The following JAKMIP2 variants were observed in gnomAD, a reference collection of about 807,000 sequenced individuals.
The protein encoded by JAKMIP2 is janus kinase and microtubule interacting protein 2.
A neutral mutation model predicts 115.0 loss-of-function variants in JAKMIP2; 25 were observed. The ratio of observed to expected loss-of-function variants is 0.22; its 90% CI spans 0.16 to 0.30. The LOEUF is 0.30. JAKMIP2 is among the 10% of genes least tolerant of loss of function. The pLI is 1.00. For missense variants in JAKMIP2, 642 were observed against 957.6 expected (o/e 0.67, Z 4.35); for synonymous variants, 334 against 343.6 (o/e 0.97, Z 0.31).
At chr5:147,716,092 G>T (rs1752977505) in intron 1 of JAKMIP2, among the ~76,000 whole-genome samples, 1 of 146,238 alleles carries the variant, frequency 6.8e-6, no homozygotes, top group African/African-American at 2.6e-5. Flanking sequence ...AGAATATGCA[G>T]TGTTTGGTTT....
rs147982196 is a variant in JAKMIP2, at chr5:147,650,440, G to A, written c.735C>T (p.Asp245=). The A allele has an allele frequency of 1.3e-4, 213 of 1,613,726 alleles. 2 individuals are homozygous for A. The African/African-American group carries it at 2.3e-3, about 17-fold the overall frequency. Residue 245 remains aspartate (D), a synonymous_variant, in exon 4 of 22, where the codon GAC becomes GAT. Transcript: ENST00000616793. ...QKLQLQKEAL[D]EQLFLVKEAE... The stretch of plus-strand genomic sequence containing the variant: ...CCTCCTTGACCAGAAAGAGTTGTTC[G>A]TCCAAAGCCTCCTTCTGAAGTTGGA...
At position 147,730,234 on chromosome 5, in the gene JAKMIP2, G is replaced by C. The variant is rs556601370; in HGVS notation, c.-149+52222C>G. Reference sequence around the variant, plus strand: ...GATAAAGAATGTAAGCAGATTCAAGGTTTTAGAAACTGACAAAGATTCTTT... The same window carrying C: ...GATAAAGAATGTAAGCAGATTCAAGCTTTTAGAAACTGACAAAGATTCTTT... On this transcript the variant is annotated intron_variant, in intron 1 of 21. Transcript: ENST00000616793. Among the ~76,000 whole-genome samples, 3 of 152,216 alleles carry C rather than the reference G, an allele frequency of 2.0e-5. No homozygotes were observed. In the East Asian group the frequency reaches 5.8e-4, roughly 29 times the overall value.
At position 147,618,024 on chromosome 5, in the gene JAKMIP2, C is replaced by T; in HGVS notation, c.2233G>A (p.Glu745Lys). ...FGELLSEKQQ[E>K]ELRTAVEKLR... is the part of the protein sequence containing the mutation. ...TTTTCTACTGCCGTCCTCAGCTCCT[C>T]TTGCTGTTTTTCACTTAATAATTCA... The change falls in exon 19 of 22, where the codon GAG becomes AAG. Residue 745 changes from glutamate to lysine, a missense_variant. Physicochemically the swap from Glu to Lys is moderately conservative, Grantham distance 56. This residue lies in a region of JAKMIP2 where 68 missense variants were observed against 104.6 expected (regional missense o/e 0.65). Transcript: ENST00000616793. The T allele has an allele frequency of 6.2e-7, 1 of 1,614,138 alleles. No homozygotes were observed. Among genetic ancestry groups the T allele is most frequent in the Non-Finnish European group, 8.5e-7 (1 of 1,179,976 alleles).
At chr5:147,687,175 C>T (rs1353172909) in intron 1 of JAKMIP2, among the ~76,000 whole-genome samples, 2 of 152,202 alleles carry the variant, frequency 1.3e-5, no homozygotes, top group African/African-American at 4.8e-5. Flanking sequence ...TAATCATCAT[C>T]ATAATTGTCA....
intron 19 of JAKMIP2, among the ~76,000 whole-genome samples, chr5:147,617,331 T>C (rs1313178739): frequency 1.3e-5 from 2 of 152,282 alleles, no homozygotes; most frequent in South Asian, 4.1e-4. Context: ...ATCTACAGTA[T>C]TGTTATCTCC....
At chr5:147,668,234 C>T (rs1759399381) in intron 2 of JAKMIP2, among the ~76,000 whole-genome samples, 1 of 152,184 alleles carries the variant, frequency 6.6e-6, no homozygotes, top group African/African-American at 2.4e-5. Flanking sequence ...TGCTCCTGTC[C>T]ATTCATTCCC....
chr5:147,629,285 C>T (rs557807114), intron 15 of JAKMIP2, among the ~76,000 whole-genome samples: 90 of 152,116 alleles, frequency 5.9e-4, no homozygotes, highest in Non-Finnish European at 1.0e-3. Context: ...AAGATGTTTT[C>T]GGAAAGAAAA....
chr5:147,626,268 G>T (rs549401930), intron 16 of JAKMIP2, among the ~76,000 whole-genome samples: 1 of 152,310 alleles, frequency 6.6e-6, no homozygotes, highest in African/African-American at 2.4e-5. Flanking sequence ...TTGTTCATCT[G>T]GTTCCTAGCT....
chr5:147,766,638 T>C (rs945687403), intron 1 of JAKMIP2, among the ~76,000 whole-genome samples: 3 of 152,188 alleles, frequency 2.0e-5, no homozygotes, highest in African/African-American at 7.2e-5. Flanking sequence ...TGAGATATTC[T>C]TCTGACTCCA....
chr5:147,748,925 C>T (rs1422799191), intron 1 of JAKMIP2, among the ~76,000 whole-genome samples: 1 of 152,194 alleles, frequency 6.6e-6, no homozygotes, highest in Non-Finnish European at 1.5e-5. Flanking sequence ...CAGAGGTTTT[C>T]TCTTTCTTTT....
chr5:147,661,047 T>C lies in JAKMIP2; in HGVS notation c.528A>G (p.Ala176=). 1 of 1,614,124 alleles carries C rather than the reference T, an allele frequency of 6.2e-7. No individual in the cohort carries two copies. Among genetic ancestry groups the C allele is most frequent in the African/African-American group, 1.3e-5 (1 of 75,030 alleles). Residue 176 remains alanine (A), a synonymous_variant, in exon 3 of 22, where the codon GCA becomes GCG. Coordinates refer to ENST00000616793, the MANE Select transcript of JAKMIP2 (RefSeq NM_001270941.2). ...VDEALSNMIQ[A]DKIKAGDLRS... ...GAAGGTCCCCAGCCTTGATTTTATC[T>C]GCTTGGATCATATTGCTCAGAGCCT...
chr5:147,694,498 A>C (rs1236620803), intron 1 of JAKMIP2, among the ~76,000 whole-genome samples: 2 of 152,158 alleles, frequency 1.3e-5, no homozygotes, highest in Non-Finnish European at 2.9e-5. Flanking sequence ...ATTCCTACAG[A>C]TCCTATAATT....
rs773994760 is a variant in JAKMIP2, at chr5:147,650,431, G to A, written c.744C>T (p.Leu248=). 1 of 1,613,872 alleles carries A rather than the reference G, an allele frequency of 6.2e-7. No homozygotes were observed. The highest frequency in any genetic ancestry group is 2.2e-5 in the East Asian group (1 of 44,864). Residue 248 remains leucine, a synonymous_variant, in exon 4 of 22, where the codon CTC becomes CTT. Transcript: ENST00000616793. ...QLQKEALDEQ[L]FLVKEAECNM... ...TGCACTCAGCCTCCTTGACCAGAAA[G>A]AGTTGTTCGTCCAAAGCCTCCTTCT...
At chr5:147,708,433 A>G (rs1752660459) in intron 1 of JAKMIP2, among the ~76,000 whole-genome samples, 1 of 152,200 alleles carries the variant, frequency 6.6e-6, no homozygotes, top group Non-Finnish European at 1.5e-5. Flanking sequence ...TCTGATGCAC[A>G]CCACATTCCA....
chr5:147,722,993 T>C (rs1753375182), intron 1 of JAKMIP2, among the ~76,000 whole-genome samples: 1 of 152,146 alleles, frequency 6.6e-6, no homozygotes, highest in Non-Finnish European at 1.5e-5. Flanking sequence ...ATAAGAATAT[T>C]ATGTTATTAA....
chr5:147,710,869 G>C (rs1752751333), intron 1 of JAKMIP2, among the ~76,000 whole-genome samples: 1 of 152,194 alleles, frequency 6.6e-6, no homozygotes, highest in Non-Finnish European at 1.5e-5. Context: ...GCAGATTTCT[G>C]AATCGGTTAT....
At chr5:147,663,725 C>T (rs1016533766) in intron 2 of JAKMIP2, among the ~76,000 whole-genome samples, 5 of 152,158 alleles carry the variant, frequency 3.3e-5, no homozygotes, top group South Asian at 2.1e-4. Flanking sequence ...TTTTTAAAGG[C>T]GCAGCAATTA....
At chr5:147,772,084 C>T (rs1202491168) in intron 1 of JAKMIP2, among the ~76,000 whole-genome samples, 2 of 151,804 alleles carry the variant, frequency 1.3e-5, no homozygotes, top group Non-Finnish European at 2.9e-5. Context: ...ATAATATCTG[C>T]CCTGTCTTTA....
chr5:147,712,965 G>A (rs904356979), intron 1 of JAKMIP2, among the ~76,000 whole-genome samples: 65 of 152,218 alleles, frequency 4.3e-4, no homozygotes, highest in African/African-American at 1.6e-3. Context: ...TTCCTTTAAG[G>A]AATATGGATA....
Sources: allele counts gnomAD v4.1 joint callset (sites outside exome capture counted in the v4.1 genomes callset), GRCh38; gene constraint gnomAD v4.1.1; regional missense constraint gnomAD v4.1.1; transcripts MANE v1.5; gene names NCBI Gene and HGNC (gene_info 2026-07-23, HGNC 2026-07-21).